Variants in THSD4 observed in about 807,000 individuals in gnomAD.
THSD4 encodes the protein thrombospondin type 1 domain containing 4.
Under a neutral mutation model 119.0 loss-of-function variants are expected in THSD4, and 69 were observed. The observed-to-expected ratio is 0.58, with a 90% CI of 0.48 to 0.71. The LOEUF (loss-of-function observed/expected upper bound fraction) is 0.71. Among genes scored for constraint, THSD4 ranks in the 30% least tolerant of loss-of-function variants. The probability of loss-of-function intolerance (pLI) is 0.00; values close to 1 mark genes in which losing one functional copy is unlikely to be tolerated. For synonymous variants in THSD4, 524 were observed against 540.4 expected (o/e 0.97, Z 0.42); for missense variants, 1,393 against 1,391.1 (o/e 1.00, Z -0.02).
chr15:71,588,629 T>G (rs936417835), intron 7 of THSD4, among the ~76,000 whole-genome samples: 17 of 152,080 alleles, frequency 1.1e-4, no homozygotes, highest in African/African-American at 3.6e-4. Context: ...GACATGGGTT[T>G]CACCACGTTA....
chr15:71,577,905 T>A (rs1359419036), intron 7 of THSD4, among the ~76,000 whole-genome samples: 1 of 150,506 alleles, frequency 6.6e-6, no homozygotes, highest in Non-Finnish European at 1.5e-5. Context: ...GCGGTTTTAG[T>A]AGAGGTGGGA....
intron 7 of THSD4, among the ~76,000 whole-genome samples, chr15:71,452,184 C>T (rs1422224930): frequency 2.0e-5 from 3 of 152,110 alleles, no homozygotes; most frequent in African/African-American, 7.2e-5. Flanking sequence ...TGTGCCAGCT[C>T]CTTTCTCTGC....
At chr15:71,524,834 G>C (rs935196882) in intron 7 of THSD4, among the ~76,000 whole-genome samples, 1 of 144,988 alleles carries the variant, frequency 6.9e-6, no homozygotes, top group Non-Finnish European at 1.5e-5. Context: ...GGATGATCTC[G>C]ATCTCCTGAC....
intron 3 of THSD4, among the ~76,000 whole-genome samples, chr15:71,167,358 G>A (rs1421620918): frequency 2.6e-5 from 4 of 152,232 alleles, no homozygotes; most frequent in Non-Finnish European, 4.4e-5. Context: ...AAATGAATAA[G>A]CATGGCTGTG....
chr15:71,631,899 C>T, intron 7 of THSD4, among the ~76,000 whole-genome samples: 1 of 152,194 alleles, frequency 6.6e-6, no homozygotes, highest in East Asian at 1.9e-4. Context: ...GCTACAAAAC[C>T]TCCTGTAGCA....
chr15:71,582,932 C>G (rs1034373390), intron 7 of THSD4, among the ~76,000 whole-genome samples: 1 of 152,008 alleles, frequency 6.6e-6, no homozygotes, highest in Admixed American at 6.6e-5. Context: ...AATATCGATG[C>G]TGGCCTTATA....
intron 7 of THSD4, among the ~76,000 whole-genome samples, chr15:71,621,614 A>G (rs911123404): frequency 2.0e-5 from 3 of 152,240 alleles, no homozygotes; most frequent in Admixed American, 2.0e-4. Flanking sequence ...TACTATAGCT[A>G]TCATTCAATA....
In THSD4 at chr15:71,649,064, G is replaced by T. The variant is rs538119797; in HGVS notation, c.1153-11466G>T. ...TTTTGAACATATGGAACGTAGAAAA[G>T]AAATTTTTGTTAAATTCTTTAAATC... On this transcript the variant is annotated intron_variant, in intron 7 of 17. Transcript: ENST00000261862. 5.9e-5 allele frequency among the ~76,000 whole-genome samples: 9 copies of T among 152,250 alleles called. No individual in the cohort carries two copies. In the East Asian group the frequency reaches 1.2e-3, roughly 20 times the overall value.
intron 7 of THSD4, among the ~76,000 whole-genome samples, chr15:71,551,067 C>A (rs1241715491): frequency 6.6e-6 from 1 of 152,158 alleles, no homozygotes; most frequent in East Asian, 1.9e-4. Flanking sequence ...TAATTAGGTC[C>A]TTTCCATCCT....
intron 7 of THSD4, among the ~76,000 whole-genome samples, chr15:71,430,144 C>G (rs2046922421): frequency 6.6e-6 from 1 of 151,276 alleles, no homozygotes; most frequent in Non-Finnish European, 1.5e-5. Flanking sequence ...CTTGTAGGGC[C>G]TTAGGAAAAA....
intron 6 of THSD4, among the ~76,000 whole-genome samples, chr15:71,284,837 AC>A (rs965285172): frequency 1.3e-5 from 2 of 152,158 alleles, no homozygotes; most frequent in Non-Finnish European, 2.9e-5. Flanking sequence ...TTAAAAAAAA[AC>A]AATTCAACAG....
chr15:71,371,143 C>G (rs542977605), intron 6 of THSD4, among the ~76,000 whole-genome samples: 130 of 152,288 alleles, frequency 8.5e-4, no homozygotes, highest in African/African-American at 2.9e-3. Context: ...AGATCTTCCT[C>G]CATCCCTTTA....
chr15:71,453,171 C>G (rs942417344), intron 7 of THSD4, among the ~76,000 whole-genome samples: 1 of 152,100 alleles, frequency 6.6e-6, no homozygotes, highest in African/African-American at 2.4e-5. Flanking sequence ...TGTGATTTAG[C>G]CACCCAATCT....
intron 7 of THSD4, among the ~76,000 whole-genome samples, chr15:71,555,494 T>C (rs1213302215): frequency 6.6e-5 from 10 of 152,250 alleles, no homozygotes; most frequent in African/African-American, 2.2e-4. Context: ...GTTTTAAATT[T>C]AGTTCTTTGC....
At chr15:71,511,817 C>G (rs1228430585) in intron 7 of THSD4, among the ~76,000 whole-genome samples, 1 of 152,222 alleles carries the variant, frequency 6.6e-6, no homozygotes, top group Non-Finnish European at 1.5e-5. Context: ...TTTCACCTCT[C>G]AGGGCTTAGC....
intron 8 of THSD4, among the ~76,000 whole-genome samples, chr15:71,661,855 A>G (rs931555038): frequency 1.3e-5 from 2 of 152,186 alleles, no homozygotes; most frequent in Non-Finnish European, 2.9e-5. Flanking sequence ...TGTGTCAGGC[A>G]CTATTCTTAA....
chr15:71,573,559 T>C (rs965602819), intron 7 of THSD4, among the ~76,000 whole-genome samples: 1 of 152,214 alleles, frequency 6.6e-6, no homozygotes, highest in Non-Finnish European at 1.5e-5. Flanking sequence ...GTTCCCTTTT[T>C]CCCTCAAATG....
At chr15:71,159,169 G>T (rs1161845692) in intron 3 of THSD4, among the ~76,000 whole-genome samples, 2 of 152,010 alleles carry the variant, frequency 1.3e-5, no homozygotes, top group African/African-American at 2.4e-5. Context: ...TGTTCCATTG[G>T]CCTATATGTC....
chr15:71,433,448 TTTTC>T (rs1185398380), intron 7 of THSD4, among the ~76,000 whole-genome samples: 1 of 149,954 alleles, frequency 6.7e-6, no homozygotes, highest in Non-Finnish European at 1.5e-5. Flanking sequence ...AGTTAACTTT[TTTTC>T]TTTGTTTTTT....
Sources: gnomAD v4.1 joint callset for allele counts (sites outside exome capture counted in the v4.1 genomes callset) on GRCh38, gnomAD v4.1.1 for gene constraint, MANE v1.5 for transcripts, NCBI Gene and HGNC (gene_info 2026-07-23, HGNC 2026-07-21) for gene names.